RAP2A: variants seen among roughly 807,000 people sequenced by gnomAD.
RAP2A encodes RAP2A, member of RAS oncogene family.
RAP2A carries 5 observed loss-of-function variants against 15.1 expected under a neutral mutation model. The ratio of observed to expected loss-of-function variants is 0.33; its 90% confidence interval spans 0.17 to 0.70. The LOEUF is 0.70. RAP2A is among the 30% of genes least tolerant of loss of function. The pLI is 0.68. For synonymous variants in RAP2A, 110 were observed against 99.7 expected (o/e 1.10, Z -0.62); for missense variants, 111 against 240.3 (o/e 0.46, Z 3.56).
intron 1 of RAP2A, among the ~76,000 whole-genome samples, chr13:97,439,308 ACT>A (rs1421786963): frequency 6.6e-6 from 1 of 152,154 alleles, no homozygotes; most frequent in African/African-American, 2.4e-5. Context: ...GTAATAGACT[ACT>A]CTGTTTCATA....
At chr13:97,461,971 A>AAT (rs889537682) in intron 1 of RAP2A, among the ~76,000 whole-genome samples, 6,641 of 141,974 alleles carry the variant, frequency 0.047, 475 homozygotes, top group African/African-American at 0.15. Context: ...TCAAAAAAAA[A>AAT]ATATATATAT....
intron 1 of RAP2A, among the ~76,000 whole-genome samples, chr13:97,443,197 C>T (rs1334337818): frequency 1.3e-5 from 2 of 152,170 alleles, no homozygotes; most frequent in African/African-American, 2.4e-5. Flanking sequence ...CTATAAATAT[C>T]TTAAAATCAC....
At chr13:97,455,806 G>A (rs2066720627) in intron 1 of RAP2A, among the ~76,000 whole-genome samples, 1 of 151,420 alleles carries the variant, frequency 6.6e-6, no homozygotes, top group African/African-American at 2.4e-5. Flanking sequence ...TCTCCTCTCT[G>A]GAGGGATCTC....
At chr13:97,449,306 G>A (rs2066692343) in intron 1 of RAP2A, among the ~76,000 whole-genome samples, 1 of 152,208 alleles carries the variant, frequency 6.6e-6, no homozygotes, top group Non-Finnish European at 1.5e-5. Flanking sequence ...GGATAGAGTA[G>A]AAGAGTGAGA....
intron 1 of RAP2A, among the ~76,000 whole-genome samples, chr13:97,461,546 A>G (rs1261841856): frequency 1.3e-5 from 2 of 152,210 alleles, no homozygotes; most frequent in Non-Finnish European, 1.5e-5. Flanking sequence ...GATTTATTCA[A>G]ATTCTTGATT....
At chr13:97,453,855 GTGT>G (rs1566474062) in intron 1 of RAP2A, among the ~76,000 whole-genome samples, 1 of 150,842 alleles carries the variant, frequency 6.6e-6, no homozygotes, top group African/African-American at 2.5e-5. Context: ...CAGCATTTTA[GTGT>G]TGTCACTATT....
intron 1 of RAP2A, among the ~76,000 whole-genome samples, chr13:97,441,458 T>A (rs2066657247): frequency 6.6e-6 from 1 of 152,162 alleles, no homozygotes; most frequent in African/African-American, 2.4e-5. Flanking sequence ...TGATTTAATT[T>A]CTGTGTGTGA....
At chr13:97,439,759 A>G (rs1372858908) in intron 1 of RAP2A, among the ~76,000 whole-genome samples, 2 of 152,204 alleles carry the variant, frequency 1.3e-5, no homozygotes, top group Non-Finnish European at 2.9e-5. Flanking sequence ...GAATGAATGA[A>G]TATAGCCAAG....
chr13:97,450,838 T>C (rs967436166), intron 1 of RAP2A, among the ~76,000 whole-genome samples: 12 of 152,206 alleles, frequency 7.9e-5, no homozygotes, highest in African/African-American at 2.4e-5. Flanking sequence ...TTTTATTATA[T>C]TCCTTTTTCT....
At chr13:97,455,532 C>T (rs1343335284) in intron 1 of RAP2A, among the ~76,000 whole-genome samples, 1 of 151,496 alleles carries the variant, frequency 6.6e-6, no homozygotes, top group East Asian at 1.9e-4. Context: ...TCCTTTTAGC[C>T]AATAACCAAC....
intron 1 of RAP2A, among the ~76,000 whole-genome samples, chr13:97,450,044 A>G (rs1164320454): frequency 6.6e-6 from 1 of 152,104 alleles, no homozygotes; most frequent in East Asian, 1.9e-4. Context: ...ATCTTACTAC[A>G]ACAATAGAAA....
At chr13:97,458,354 A>T (rs2066732646) in intron 1 of RAP2A, among the ~76,000 whole-genome samples, 1 of 152,192 alleles carries the variant, frequency 6.6e-6, no homozygotes, top group Non-Finnish European at 1.5e-5. Flanking sequence ...ACGATGCAGC[A>T]CCCTCAAAAG....
At position 97,469,009 on chromosome 13, in the gene RAP2A, T is replaced by TCG. The variant is rs2066784240; in HGVS notation, c.*4567_*4568insCG. 6.6e-6 allele frequency: 1 copy of TCG among 152,228 alleles called. No homozygotes were observed. The highest frequency in any genetic ancestry group is 6.5e-5 in the Admixed American group (1 of 15,284). The allele number at this position is 152,228 out of a possible 1,614,324, so 9.4% of individuals were successfully genotyped here. ...GTTGACCTCGTTTCTTAATTTAAAA[T>TCG]ATGTTGCCACATAAATACTAATAAA... On this transcript the variant is annotated 3_prime_UTR_variant, in exon 2 of 2. Coordinates refer to ENST00000245304, the MANE Select transcript of RAP2A (RefSeq NM_021033.7).
rs543258728 is a variant in RAP2A, at chr13:97,454,101, T to A, written c.315-10104T>A. On this transcript the variant is annotated intron_variant, in intron 1 of 1. Coordinates refer to ENST00000245304, the MANE Select transcript of RAP2A (RefSeq NM_021033.7). ...TCCAAGTCTGTAGTTTGTCCTTTTATCCTCTCAGGTCTTTCACAGAGCAAA... is the reference window on the plus strand; with the variant it reads ...TCCAAGTCTGTAGTTTGTCCTTTTAACCTCTCAGGTCTTTCACAGAGCAAA... 2.3e-4 allele frequency among the ~76,000 whole-genome samples: 35 copies of A among 151,446 alleles called. No individual in the cohort carries two copies. In the South Asian group the frequency reaches 6.7e-3, roughly 29 times the overall value.
chr13:97,460,063 A>G (rs749221594), intron 1 of RAP2A, among the ~76,000 whole-genome samples: 16 of 152,248 alleles, frequency 1.1e-4, no homozygotes, highest in African/African-American at 2.2e-4. Context: ...TGTTTGAACA[A>G]CGTTGTCTGT....
intron 1 of RAP2A, among the ~76,000 whole-genome samples, chr13:97,437,104 G>A (rs1229804641): frequency 1.3e-5 from 2 of 152,062 alleles, no homozygotes; most frequent in African/African-American, 4.8e-5. Context: ...AACATTCCTA[G>A]TAGCTGATTT....
At chr13:97,457,261 CAT>C (rs555491550) in intron 1 of RAP2A, among the ~76,000 whole-genome samples, 5 of 149,712 alleles carry the variant, frequency 3.3e-5, no homozygotes, top group Admixed American at 6.7e-5. Flanking sequence ...TATATATATA[CAT>C]ATATATATAT....
chr13:97,447,324 C>T (rs1309716149), intron 1 of RAP2A, among the ~76,000 whole-genome samples: 1 of 152,204 alleles, frequency 6.6e-6, no homozygotes, highest in Non-Finnish European at 1.5e-5. Context: ...TACTCATAGT[C>T]TGAACTGCCG....
chr13:97,438,583 T>C (rs574154570), intron 1 of RAP2A, among the ~76,000 whole-genome samples: 2 of 152,276 alleles, frequency 1.3e-5, no homozygotes, highest in South Asian at 4.1e-4. Flanking sequence ...AATGGAACAC[T>C]AGGCATAGAT....
Sources: allele counts gnomAD v4.1 joint callset (sites outside exome capture counted in the v4.1 genomes callset), GRCh38; gene constraint gnomAD v4.1.1; transcripts MANE v1.5; gene names NCBI Gene and HGNC (gene_info 2026-07-23, HGNC 2026-07-21).